The following RAPGEF2 variants were observed in gnomAD, a reference collection of about 807,000 sequenced individuals.
The protein encoded by RAPGEF2 is Rap guanine nucleotide exchange factor 2.
Under a neutral mutation model 186.7 loss-of-function variants are expected in RAPGEF2, and 54 were observed. The observed-to-expected ratio is 0.29, with a 90% CI of 0.23 to 0.36. The LOEUF (loss-of-function observed/expected upper bound fraction) is 0.36, where lower values mean the gene tolerates loss of function less well. Ranked by LOEUF, RAPGEF2 falls within the 10% of genes least tolerant of loss-of-function variation. The pLI is 1.00. For synonymous variants in RAPGEF2, 712 were observed against 705.9 expected (o/e 1.01, Z -0.14); for missense variants, 1,532 against 2,045.0 (o/e 0.75, Z 4.84).
At chr4:159,199,091 G>T (rs910062511) in intron 3 of RAPGEF2, among the ~76,000 whole-genome samples, 1 of 150,386 alleles carries the variant, frequency 6.6e-6, no homozygotes, top group East Asian at 1.9e-4. Flanking sequence ...GAAACCAAAG[G>T]TTTTAATTTA....
At chr4:159,236,771 A>C (rs1434202537) in intron 4 of RAPGEF2, among the ~76,000 whole-genome samples, 1 of 152,196 alleles carries the variant, frequency 6.6e-6, no homozygotes, top group Non-Finnish European at 1.5e-5. Flanking sequence ...TTTTGTGTAT[A>C]TTGAAGAGTT....
intron 4 of RAPGEF2, among the ~76,000 whole-genome samples, chr4:159,235,869 T>C (rs990989183): frequency 4.6e-5 from 7 of 152,212 alleles, no homozygotes; most frequent in African/African-American, 1.7e-4. Context: ...TTCCATTGCT[T>C]TGTCTGTTTC....
intron 7 of RAPGEF2, among the ~76,000 whole-genome samples, chr4:159,249,287 T>C (rs1404956799): frequency 7.6e-4 from 50 of 66,222 alleles, no homozygotes; most frequent in East Asian, 3.0e-3. Flanking sequence ...AAAAGTCTCT[T>C]TTTTTTTTTT....
chr4:159,116,096 TTAAAC>T (rs1271184600), intron 1 of RAPGEF2, among the ~76,000 whole-genome samples: 3 of 152,084 alleles, frequency 2.0e-5, no homozygotes, highest in African/African-American at 4.8e-5. Context: ...TAGGATCTAA[TTAAAC>T]TAAAGAGCCT....
chr4:159,255,038 A>T (rs990596764), intron 7 of RAPGEF2, among the ~76,000 whole-genome samples: 1 of 152,212 alleles, frequency 6.6e-6, no homozygotes, highest in African/African-American at 2.4e-5. Context: ...GTTTACATAT[A>T]CAAATACTAT....
At chr4:159,170,911 A>G (rs2111247548) in intron 1 of RAPGEF2, among the ~76,000 whole-genome samples, 1 of 152,262 alleles carries the variant, frequency 6.6e-6, no homozygotes, top group South Asian at 2.1e-4. Flanking sequence ...ATTCTTCTGC[A>G]TGTGTAGATA....
chr4:159,134,102 G>T (rs1207239965), intron 1 of RAPGEF2, among the ~76,000 whole-genome samples: 1 of 152,180 alleles, frequency 6.6e-6, no homozygotes, highest in African/African-American at 2.4e-5. Flanking sequence ...CCCAGAAAAG[G>T]TCCCTTGTGC....
chr4:159,269,946 A>G (rs1757911652), intron 7 of RAPGEF2, among the ~76,000 whole-genome samples: 1 of 152,238 alleles, frequency 6.6e-6, no homozygotes, highest in African/African-American at 2.4e-5. Flanking sequence ...ATTACCCAAT[A>G]GTGCCTAAAC....
chr4:159,285,158 A>G (rs997923646), intron 7 of RAPGEF2, among the ~76,000 whole-genome samples: 1 of 152,176 alleles, frequency 6.6e-6, no homozygotes, highest in Non-Finnish European at 1.5e-5. Context: ...AATAAGCCCT[A>G]TTTAGTCATA....
chr4:159,351,946 GTC>G (rs1731241684), intron 26 of RAPGEF2, among the ~76,000 whole-genome samples: 1 of 152,160 alleles, frequency 6.6e-6, no homozygotes, highest in Admixed American at 6.5e-5. Context: ...GGGAGACTCC[GTC>G]TCAAAAACAA....
Position 159,358,153 on chromosome 4 carries a change from C to T in RAPGEF2, c.*14C>T. On this transcript the variant is annotated 3_prime_UTR_variant, in exon 30 of 30. Coordinates refer to ENST00000691494, the MANE Select transcript of RAPGEF2 (RefSeq NM_001394067.2). ...TCTGCTGTTTGAGGCACAGACTTTT[C>T]TGGAAGCAGAGCGAGCCACCTGAAA... 1 of 1,610,462 alleles carries T rather than the reference C, an allele frequency of 6.2e-7. No homozygotes were observed. The highest frequency in any genetic ancestry group is 8.5e-7 in the Non-Finnish European group (1 of 1,178,286).
At chr4:159,316,079 G>A (rs1420689542) in intron 9 of RAPGEF2, among the ~76,000 whole-genome samples, 1 of 151,922 alleles carries the variant, frequency 6.6e-6, no homozygotes, top group Non-Finnish European at 1.5e-5. Context: ...GCCTGGCAAC[G>A]GGCATCTTCC....
intron 3 of RAPGEF2, among the ~76,000 whole-genome samples, chr4:159,209,312 A>C (rs1032213418): frequency 2.6e-5 from 4 of 152,262 alleles, no homozygotes; most frequent in Non-Finnish European, 4.4e-5. Flanking sequence ...AACTTAAAAA[A>C]GATGGTCTTA....
intron 1 of RAPGEF2, among the ~76,000 whole-genome samples, chr4:159,122,478 C>CA (rs915350505): frequency 7.0e-4 from 91 of 130,684 alleles, no homozygotes; most frequent in Middle Eastern, 8.0e-3. Context: ...GACTTTGTCT[C>CA]AAAAAAAAAA....
At chr4:159,357,230 G>A (rs1043695003) in intron 29 of RAPGEF2, among the ~76,000 whole-genome samples, 4 of 152,184 alleles carry the variant, frequency 2.6e-5, no homozygotes, top group East Asian at 1.9e-4. Context: ...GCGTGGTGGC[G>A]TGTGCCAATA....
chr4:159,286,715 T>G (rs1760549755), intron 7 of RAPGEF2, among the ~76,000 whole-genome samples: 1 of 152,230 alleles, frequency 6.6e-6, no homozygotes. Context: ...TTGTTTCTTT[T>G]GCTCAGAATT....
chr4:159,348,674 C>G (rs762572151), intron 25 of RAPGEF2, among the ~76,000 whole-genome samples: 16 of 152,138 alleles, frequency 1.1e-4, no homozygotes, highest in Non-Finnish European at 2.1e-4. Context: ...TCAGTCTTCA[C>G]TTTAGCTAAA....
At chr4:159,348,359 C>T (rs1478441266) in intron 25 of RAPGEF2, among the ~76,000 whole-genome samples, 1 of 151,970 alleles carries the variant, frequency 6.6e-6, no homozygotes, top group Non-Finnish European at 1.5e-5. Flanking sequence ...TAACTAAGTC[C>T]CTGCACAGTT....
intron 1 of RAPGEF2, among the ~76,000 whole-genome samples, chr4:159,183,953 C>T (rs1209409752): frequency 1.3e-5 from 2 of 152,142 alleles, no homozygotes; most frequent in Non-Finnish European, 2.9e-5. Flanking sequence ...CAAGTGTTCT[C>T]ATTGTTCAGT....
Sources: allele counts gnomAD v4.1 joint callset (sites outside exome capture counted in the v4.1 genomes callset), GRCh38; gene constraint gnomAD v4.1.1; transcripts MANE v1.5; gene names NCBI Gene and HGNC (gene_info 2026-07-23, HGNC 2026-07-21).